The following MDM4 variants were observed in gnomAD, a reference collection of about 807,000 sequenced individuals.
MDM4 encodes the protein protein Mdm4.
A neutral mutation model predicts 60.2 loss-of-function variants in MDM4; 2 were observed. The observed-to-expected ratio is 0.03, with a 90% CI of 0.01 to 0.10. MDM4 has a LOEUF of 0.10. Ranked by LOEUF, MDM4 falls within the 10% of genes least tolerant of loss-of-function variation. The pLI, the probability that MDM4 is intolerant of heterozygous loss-of-function variation, is 1.00. For missense variants in MDM4, 447 were observed against 577.5 expected, an observed-to-expected ratio of 0.77 and a Z score of 2.32; for synonymous variants, 202 against 198.1, an observed-to-expected ratio of 1.02 and a Z score of -0.17.
At chr1:204,541,869 C>T (rs2102414440) in intron 7 of MDM4, among the ~76,000 whole-genome samples, 1 of 152,228 alleles carries the variant, frequency 6.6e-6, no homozygotes, top group East Asian at 1.9e-4. Flanking sequence ...ATTCTTTCAC[C>T]ATATGTACTT....
intron 5 of MDM4, 53 bp downstream of exon 5, chr1:204,532,299 G>C (rs1660937476): frequency 8.8e-7 from 1 of 1,131,572 alleles, no homozygotes. Flanking sequence ...GTTCAAGGGG[G>C]CAAATGATGG....
rs56047802 is a variant in MDM4, at chr1:204,551,461, CTTTTTTTTTTTTTTTT to C, written c.*1793_*1808del. The C allele has an allele frequency of 1.3e-4, 12 of 91,512 alleles. 1 individual carries two copies. Among genetic ancestry groups the C allele is most frequent in the Non-Finnish European group, 1.8e-4 (10 of 54,118 alleles). 5.7% of individuals were successfully genotyped at this position (91,512 alleles called of 1,614,324 possible). Reference sequence around the variant, plus strand: ...ATACTGGATGGTTGAGAGGCAGCCTCTTTTTTTTTTTTTTTTTTTTTTTTTTTTTGGAGGATAGGGA... The same window carrying C: ...ATACTGGATGGTTGAGAGGCAGCCTCTTTTTTTTTTTTTGGAGGATAGGGA... On this transcript the variant is annotated 3_prime_UTR_variant, in exon 11 of 11. Coordinates refer to ENST00000367182, the MANE Select transcript of MDM4 (RefSeq NM_002393.5).
Position 204,557,849 on chromosome 1 carries a change from T to G in MDM4, c.*8167T>G, listed in dbSNP as rs1571484587. The G allele has an allele frequency of 1.1e-5, 2 of 187,822 alleles. No individual in the cohort carries two copies. Among genetic ancestry groups the G allele is most frequent in the East Asian group, 8.6e-5 (1 of 11,678 alleles). The allele number at this position is 187,822 out of a possible 1,614,324, so 11.6% of individuals were successfully genotyped here. A position where few individuals can be genotyped will look rare whatever the true frequency, so the allele number is the denominator to read the frequency against. On this transcript the variant is annotated 3_prime_UTR_variant, in exon 11 of 11. Transcript: ENST00000367182. ...CATCAAGTGGGAAGAAAGCAGCAAT[T>G]TAAAATAACTTTTTGGGAGACTGAA...
chr1:204,548,810 C>G (rs1662918512), intron 10 of MDM4, among the ~76,000 whole-genome samples: 1 of 152,032 alleles, frequency 6.6e-6, no homozygotes, highest in Non-Finnish European at 1.5e-5. Context: ...TCCAAAGAAG[C>G]CCATAAGGTA....
At chr1:204,528,074 ATT>A (rs11440400) in intron 3 of MDM4, among the ~76,000 whole-genome samples, 2 of 140,326 alleles carry the variant, frequency 1.4e-5, no homozygotes, top group Non-Finnish European at 3.1e-5. Context: ...AAAGTCTGGA[ATT>A]TTTTTTTTTT....
chr1:204,546,642 T>C (rs1420046160), intron 9 of MDM4, among the ~76,000 whole-genome samples, 155 bp from the exon 10 acceptor site: 1 of 152,232 alleles, frequency 6.6e-6, no homozygotes, highest in African/African-American at 2.4e-5. Flanking sequence ...TACAGAATCA[T>C]GTGTTTGGTC....
At chr1:204,541,609 G>T (rs1413156576) in intron 7 of MDM4, among the ~76,000 whole-genome samples, 1 of 152,156 alleles carries the variant, frequency 6.6e-6, no homozygotes, top group Non-Finnish European at 1.5e-5. Context: ...AGAAGGGACA[G>T]AATTTTTATT....
At chr1:204,540,214 G>A (rs1661904643) in intron 7 of MDM4, among the ~76,000 whole-genome samples, 1 of 151,984 alleles carries the variant, frequency 6.6e-6, no homozygotes, top group South Asian at 2.1e-4. Flanking sequence ...GAACCCAGGA[G>A]GTGGAGCTAG....
chr1:204,528,838 G>A (rs769165769), intron 3 of MDM4: 72 of 1,520,742 alleles, frequency 4.7e-5, no homozygotes, highest in Non-Finnish European at 6.4e-5. Flanking sequence ...TCCACAGATG[G>A]GTTGGGTCAT....
chr1:204,547,214 C>T (rs951874158), intron 10 of MDM4, among the ~76,000 whole-genome samples: 1 of 152,160 alleles, frequency 6.6e-6, no homozygotes, highest in Non-Finnish European at 1.5e-5. Flanking sequence ...TCTCTGCAAT[C>T]CCAAAGACAG....
At chr1:204,536,904 T>A in intron 5 of MDM4, 1 of 394,646 alleles carries the variant, frequency 2.5e-6, no homozygotes, top group Non-Finnish European at 4.9e-6. Context: ...CATAAAATTA[T>A]CCTTGACACT....
intron 5 of MDM4, among the ~76,000 whole-genome samples, chr1:204,533,555 G>C (rs568247232): frequency 6.6e-6 from 1 of 152,200 alleles, no homozygotes; most frequent in South Asian, 2.1e-4. Context: ...ACAGGGTTTT[G>C]CTGTGTTGCT....
intron 1 of MDM4, among the ~76,000 whole-genome samples, chr1:204,516,953 G>C (rs2102268018): frequency 6.6e-6 from 1 of 152,256 alleles, no homozygotes; most frequent in Middle Eastern, 3.4e-3. Context: ...GAAAATGCTT[G>C]TTTTGGCTTG....
At chr1:204,540,720 G>T (rs1249309061) in intron 7 of MDM4, among the ~76,000 whole-genome samples, 1 of 152,150 alleles carries the variant, frequency 6.6e-6, no homozygotes, top group South Asian at 2.1e-4. Flanking sequence ...CCGAGATCGC[G>T]CCATTGCCCT....
In MDM4 at chr1:204,550,947, GACTTA is replaced by G. The variant is rs1386027138; in HGVS notation, c.*1270_*1274del. 1 of 184,142 alleles carries G rather than the reference GACTTA, an allele frequency of 5.4e-6. No individual in the cohort carries two copies. The highest frequency in any genetic ancestry group is 1.2e-5 in the Non-Finnish European group (1 of 86,752). 11.4% of individuals were successfully genotyped at this position (184,142 alleles called of 1,614,324 possible). ...GTTCTTAATTTAATTAGCCAAATCA[GACTTA>G]ACTTCCGTCAGAACATGTCTTGGTT... On this transcript the variant is annotated 3_prime_UTR_variant, in exon 11 of 11. Transcript: ENST00000367182.
chr1:204,539,861 A>G (rs1052392098), intron 7 of MDM4, among the ~76,000 whole-genome samples: 9 of 152,240 alleles, frequency 5.9e-5, no homozygotes, highest in South Asian at 2.1e-4. Flanking sequence ...ATGACACCAC[A>G]AGTAGAAAAT....
chr1:204,529,062 T>G (rs181630174), intron 3 of MDM4: 78 of 1,479,706 alleles, frequency 5.3e-5, no homozygotes, highest in Admixed American at 7.3e-5. Context: ...GTAGCCCATT[T>G]GGGACAGAGC....
intron 1 of MDM4, among the ~76,000 whole-genome samples, chr1:204,517,561 G>A (rs892647551): frequency 1.3e-5 from 2 of 151,776 alleles, no homozygotes; most frequent in African/African-American, 4.8e-5. Context: ...GCGCCACCAC[G>A]CCTGGCTAAT....
At position 204,530,830 on chromosome 1, in the gene MDM4, A is replaced by G; in HGVS notation, c.287+13A>G. The G allele has an allele frequency of 1.2e-6, 2 of 1,614,164 alleles. No homozygotes were observed. Among genetic ancestry groups the G allele is most frequent in the Non-Finnish European group, 1.7e-6 (2 of 1,180,012 alleles). ...TGAAAGACCCAAGGTAAAAACAGTG[A>G]GGGCTTGCGTATCTTTTTGGGTGCT... On this transcript the variant is annotated intron_variant, in intron 4 of 10. Coordinates refer to ENST00000367182, the MANE Select transcript of MDM4 (RefSeq NM_002393.5).
Sources: gnomAD v4.1 joint callset for allele counts (sites outside exome capture counted in the v4.1 genomes callset) on GRCh38, gnomAD v4.1.1 for gene constraint, MANE v1.5 for transcripts, NCBI Gene and HGNC (gene_info 2026-07-23, HGNC 2026-07-21) for gene names.